The following ST6GAL1 variants were observed in gnomAD, a reference collection of about 807,000 sequenced individuals.
ST6GAL1 encodes beta-galactoside alpha-2,6-sialyltransferase 1.
A neutral mutation model predicts 38.0 loss-of-function variants in ST6GAL1; 20 were observed. The observed-to-expected ratio is 0.53, with a 90% CI of 0.37 to 0.77. The LOEUF (loss-of-function observed/expected upper bound fraction) is 0.77. ST6GAL1 is among the 30% of genes least tolerant of loss of function. ST6GAL1 has a pLI of 0.00. For synonymous variants in ST6GAL1, 196 were observed against 188.2 expected (o/e 1.04, Z -0.34); for missense variants, 432 against 496.4 (o/e 0.87, Z 1.23).
intron 2 of ST6GAL1, among the ~76,000 whole-genome samples, chr3:187,023,775 C>T (rs1221158277): frequency 1.3e-5 from 2 of 151,672 alleles, no homozygotes; most frequent in Non-Finnish European, 2.9e-5. Flanking sequence ...AGGAGATATA[C>T]CTAATGCTAA....
At chr3:186,940,790 T>G (rs1476863303) in intron 1 of ST6GAL1, among the ~76,000 whole-genome samples, 3 of 151,936 alleles carry the variant, frequency 2.0e-5, no homozygotes, top group Admixed American at 6.6e-5. Flanking sequence ...AGTGTTTTTT[T>G]TTTTTTTTTT....
Position 187,078,385 on chromosome 3 carries a change from C to CCAT in ST6GAL1, c.*2584_*2586dup, listed in dbSNP as rs1719632033. ...TATGGGGTTCTGTCTTCTTTGATAGCCATCTATTCATCTGGATCATGGGAC... is the reference window on the plus strand; with the variant it reads ...TATGGGGTTCTGTCTTCTTTGATAGCCATCATCTATTCATCTGGATCATGGGAC... On this transcript the variant is annotated 3_prime_UTR_variant, in exon 8 of 8. Transcript: ENST00000169298. The CCAT allele has an allele frequency of 6.6e-6, 1 of 152,098 alleles. No individual in the cohort carries two copies. Among genetic ancestry groups the CCAT allele is most frequent in the African/African-American group, 2.4e-5 (1 of 41,400 alleles). The allele number at this position is 152,098 out of a possible 1,614,324, so 9.4% of individuals were successfully genotyped here.
At chr3:187,037,720 AGGCATGCACGCC>A (rs1011188016) in intron 2 of ST6GAL1, among the ~76,000 whole-genome samples, 51 of 152,316 alleles carry the variant, frequency 3.3e-4, no homozygotes, top group African/African-American at 1.2e-3. Context: ...CTGGGACTAC[AGGCATGCACGCC>A]TGGCTTATTT....
At chr3:186,976,873 A>T (rs952246445) in intron 2 of ST6GAL1, among the ~76,000 whole-genome samples, 3 of 152,224 alleles carry the variant, frequency 2.0e-5, no homozygotes, top group Admixed American at 2.0e-4. Flanking sequence ...CTCCCCACGC[A>T]TGTATTTCTT....
At chr3:187,069,444 C>T (rs1719286208) in intron 5 of ST6GAL1, among the ~76,000 whole-genome samples, 1 of 152,210 alleles carries the variant, frequency 6.6e-6, no homozygotes, top group African/African-American at 2.4e-5. Flanking sequence ...CCAGTTGTTC[C>T]TTTTTCTCTG....
intron 5 of ST6GAL1, among the ~76,000 whole-genome samples, chr3:187,058,300 A>G (rs377093335): frequency 6.6e-6 from 1 of 152,100 alleles, no homozygotes; most frequent in Admixed American, 6.6e-5. Flanking sequence ...CATGGGTTGC[A>G]CCCACTGTCC....
chr3:187,008,713 C>T lies in ST6GAL1; in HGVS notation c.-182-30029C>T, dbSNP rs575249141. On this transcript the variant is annotated intron_variant, in intron 2 of 7. Transcript: ENST00000169298. The stretch of plus-strand genomic sequence containing the variant: ...GAAGAGCAGGAGAAATAATAAATAT[C>T]TAATACATTCCCCTTGATAAAAATA... 2.0e-5 allele frequency among the ~76,000 whole-genome samples: 3 copies of T among 152,298 alleles called. No homozygotes were observed. The East Asian group carries it at 5.8e-4, about 29-fold the overall frequency.
chr3:186,968,298 T>TTTTATATAAAG, intron 2 of ST6GAL1, among the ~76,000 whole-genome samples: 1 of 152,102 alleles, frequency 6.6e-6, no homozygotes, highest in African/African-American at 2.4e-5. Context: ...TTATATAAAG[T>TTTTATATAAAG]TTTTTCCCCA....
chr3:186,962,556 C>T (rs773256150), intron 1 of ST6GAL1, among the ~76,000 whole-genome samples: 5 of 152,088 alleles, frequency 3.3e-5, no homozygotes, highest in African/African-American at 4.8e-5. Flanking sequence ...GGAATGGGCA[C>T]ATTTCTCCAT....
intron 2 of ST6GAL1, among the ~76,000 whole-genome samples, chr3:186,976,443 T>A (rs79960097): frequency 6.6e-6 from 1 of 152,146 alleles, no homozygotes; most frequent in African/African-American, 2.4e-5. Flanking sequence ...TTTTTTTTTT[T>A]ATTTGAGATA....
chr3:187,040,329 A>G (rs1017523129), intron 3 of ST6GAL1, among the ~76,000 whole-genome samples: 1 of 152,208 alleles, frequency 6.6e-6, no homozygotes, highest in Non-Finnish European at 1.5e-5. Flanking sequence ...CTTGTCTGCG[A>G]CTGTCTGACA....
chr3:186,974,680 C>T (rs1443734803), intron 2 of ST6GAL1, among the ~76,000 whole-genome samples: 2 of 148,450 alleles, frequency 1.3e-5, no homozygotes, highest in African/African-American at 5.0e-5. Context: ...AGGAAGATCT[C>T]ATTAATTAAT....
chr3:186,997,848 T>C (rs1450465091), intron 2 of ST6GAL1, among the ~76,000 whole-genome samples: 1 of 152,118 alleles, frequency 6.6e-6, no homozygotes, highest in Non-Finnish European at 1.5e-5. Flanking sequence ...GAACTAACAT[T>C]GTGCAGAACT....
intron 2 of ST6GAL1, among the ~76,000 whole-genome samples, chr3:186,997,862 T>C (rs1341493830): frequency 3.9e-5 from 6 of 152,162 alleles, no homozygotes; most frequent in Non-Finnish European, 8.8e-5. Flanking sequence ...CAGAACTGTG[T>C]TCTCAGCCAG....
intron 5 of ST6GAL1, among the ~76,000 whole-genome samples, chr3:187,052,945 C>T (rs1377302469): frequency 6.6e-6 from 1 of 152,210 alleles, no homozygotes; most frequent in Non-Finnish European, 1.5e-5. Flanking sequence ...TTCTCCACAT[C>T]CTCTCCAGCA....
At chr3:187,000,873 G>A (rs982322410) in intron 2 of ST6GAL1, among the ~76,000 whole-genome samples, 3 of 152,216 alleles carry the variant, frequency 2.0e-5, no homozygotes, top group African/African-American at 7.2e-5. Context: ...TTAATCACCA[G>A]CATTGGGTGT....
chr3:187,043,769 C>T (rs1168774123), intron 4 of ST6GAL1: 1 of 152,790 alleles, frequency 6.5e-6, no homozygotes, highest in African/African-American at 2.4e-5. Flanking sequence ...CAAAAGCCTA[C>T]AATTGACCTT....
chr3:186,961,369 T>TGCAG (rs1714931155), intron 1 of ST6GAL1, among the ~76,000 whole-genome samples: 1 of 152,184 alleles, frequency 6.6e-6, no homozygotes, highest in Non-Finnish European at 1.5e-5. Context: ...GACTAGAGTC[T>TGCAG]TTTTTCACAG....
At chr3:187,066,589 T>TGTGCGTGC (rs1011710939) in intron 5 of ST6GAL1, among the ~76,000 whole-genome samples, 5 of 132,018 alleles carry the variant, frequency 3.8e-5, no homozygotes, top group Non-Finnish European at 4.9e-5. Flanking sequence ...TATCTGAAGA[T>TGTGCGTGC]GTGCGTGCGT....
Sources: allele counts gnomAD v4.1 joint callset (sites outside exome capture counted in the v4.1 genomes callset), GRCh38; gene constraint gnomAD v4.1.1; transcripts MANE v1.5; gene names NCBI Gene and HGNC (gene_info 2026-07-23, HGNC 2026-07-21).